STARD13: variants seen among roughly 807,000 people sequenced by gnomAD.
STARD13 encodes the protein stAR-related lipid transfer protein 13.
Under a neutral mutation model 106.4 loss-of-function variants are expected in STARD13, and 62 were observed. That is an observed-to-expected ratio of 0.58 (90% CI 0.48 to 0.72). STARD13 has a LOEUF of 0.72. Ranked by LOEUF, STARD13 falls within the 30% of genes least tolerant of loss-of-function variation. STARD13 has a pLI of 0.00. For missense variants in STARD13, 1,387 were observed against 1,424.0 expected, an observed-to-expected ratio of 0.97 and a Z score of 0.42; for synonymous variants, 565 against 553.0, an observed-to-expected ratio of 1.02 and a Z score of -0.31.
At chr13:33,197,499 G>A (rs1423017380) in intron 1 of STARD13, among the ~76,000 whole-genome samples, 1 of 151,744 alleles carries the variant, frequency 6.6e-6, no homozygotes, top group Admixed American at 6.6e-5. Flanking sequence ...TGTATCGCAA[G>A]TGGGCTTATT....
At chr13:33,182,738 C>T (rs1164669374) in intron 1 of STARD13, among the ~76,000 whole-genome samples, 3 of 152,242 alleles carry the variant, frequency 2.0e-5, no homozygotes, top group African/African-American at 7.2e-5. Context: ...TTTGTCTAAA[C>T]CAGGACTTCT....
At chr13:33,513,406 G>A in the STARD13 span, among the ~76,000 whole-genome samples, 1 of 152,116 alleles carries the variant, frequency 6.6e-6, no homozygotes, top group African/African-American at 2.4e-5. Context: ...CTCTCTTCCT[G>A]ATAGCTATAC....
chr13:33,675,438 T>G, the STARD13 span, among the ~76,000 whole-genome samples: 1 of 152,142 alleles, frequency 6.6e-6, no homozygotes, highest in East Asian at 1.9e-4. Flanking sequence ...CACCCTCAGA[T>G]TTTAGGTAGG....
the STARD13 span, among the ~76,000 whole-genome samples, chr13:33,549,764 G>T: frequency 6.6e-6 from 1 of 152,030 alleles, no homozygotes; most frequent in Non-Finnish European, 1.5e-5. Flanking sequence ...GTATTTTTTT[G>T]TATATGTATG....
the STARD13 span, among the ~76,000 whole-genome samples, chr13:33,545,664 A>G: frequency 6.6e-6 from 1 of 152,154 alleles, no homozygotes; most frequent in Admixed American, 6.5e-5. Flanking sequence ...ATGCCCTCCT[A>G]GTGATAATGA....
At chr13:33,407,941 T>C in the STARD13 span, among the ~76,000 whole-genome samples, 1 of 152,354 alleles carries the variant, frequency 6.6e-6, no homozygotes, top group East Asian at 1.9e-4. Context: ...TTTCATGAGT[T>C]GATTGAGTAA....
intron 1 of STARD13, among the ~76,000 whole-genome samples, chr13:33,299,162 C>T (rs1283864430): frequency 6.6e-6 from 1 of 152,096 alleles, no homozygotes; most frequent in Non-Finnish European, 1.5e-5. Flanking sequence ...AATAGGCCAC[C>T]CCACATAGCC....
the STARD13 span, among the ~76,000 whole-genome samples, chr13:33,468,249 T>A: frequency 6.6e-6 from 1 of 152,228 alleles, no homozygotes; most frequent in East Asian, 1.9e-4. Context: ...TGATTATGAT[T>A]AAAGAAATTG....
At chr13:33,667,084 T>G in the STARD13 span, among the ~76,000 whole-genome samples, 1 of 152,254 alleles carries the variant, frequency 6.6e-6, no homozygotes, top group South Asian at 2.1e-4. Flanking sequence ...TAGCACTTTT[T>G]AAAATGTATT....
At chr13:33,587,627 A>T in the STARD13 span, among the ~76,000 whole-genome samples, 65 of 152,314 alleles carry the variant, frequency 4.3e-4, no homozygotes, top group South Asian at 8.3e-4. Context: ...AATCACCTGA[A>T]TATCTTGATA....
intron 8 of STARD13, among the ~76,000 whole-genome samples, chr13:33,115,601 G>A (rs538874): frequency 0.23 from 34,587 of 152,048 alleles, 4,209 homozygotes; most frequent in East Asian, 0.32. Context: ...CAGGGAAATG[G>A]GTGTCTCCCT....
At chr13:33,208,137 G>A (rs1218718915) in intron 1 of STARD13, among the ~76,000 whole-genome samples, 1 of 152,200 alleles carries the variant, frequency 6.6e-6, no homozygotes, top group Non-Finnish European at 1.5e-5. Context: ...CCACTTCAGA[G>A]GATGTGTGCT....
rs921081227 is a variant in STARD13, at chr13:33,221,036, C to T, written c.170-53414G>A. ...TATAGATAAGCCCTGGAAGAGTATT[C>T]AGTAGTAGATGGACTACTGAAATGA... On this transcript the variant is annotated intron_variant, in intron 1 of 13. Transcript: ENST00000336934. Among the ~76,000 whole-genome samples, 4 of 151,870 alleles carry T rather than the reference C, an allele frequency of 2.6e-5. No individual in the cohort carries two copies. In the East Asian group the frequency reaches 7.7e-4, roughly 29 times the overall value.
At chr13:33,233,536 A>T (rs994076511) in intron 1 of STARD13, among the ~76,000 whole-genome samples, 4 of 152,160 alleles carry the variant, frequency 2.6e-5, no homozygotes, top group Non-Finnish European at 5.9e-5. Flanking sequence ...CTTAATAAAA[A>T]TTCTCTGCCT....
chr13:33,553,205 G>C, the STARD13 span, among the ~76,000 whole-genome samples: 25 of 151,762 alleles, frequency 1.6e-4, no homozygotes, highest in Non-Finnish European at 2.9e-5. Flanking sequence ...AACTGGGTGA[G>C]GCAAATATGA....
intron 4 of STARD13, among the ~76,000 whole-genome samples, chr13:33,131,254 C>T (rs1341035341): frequency 6.6e-6 from 1 of 152,168 alleles, no homozygotes; most frequent in Non-Finnish European, 1.5e-5. Context: ...ATCACCAAGA[C>T]CTAATTCTGA....
the STARD13 span, among the ~76,000 whole-genome samples, chr13:33,639,899 G>A: frequency 2.0e-5 from 3 of 152,172 alleles, no homozygotes; most frequent in Non-Finnish European, 2.9e-5. Context: ...GGGACTACCC[G>A]ATTCATGAAT....
intron 3 of STARD13, among the ~76,000 whole-genome samples, chr13:33,152,070 C>A (rs1046178652): frequency 2.0e-5 from 3 of 152,210 alleles, no homozygotes; most frequent in Non-Finnish European, 4.4e-5. Flanking sequence ...GGCCCTGTCA[C>A]ATTCAGACCC....
At chr13:33,434,776 A>G in the STARD13 span, among the ~76,000 whole-genome samples, 2 of 152,186 alleles carry the variant, frequency 1.3e-5, no homozygotes, top group African/African-American at 4.8e-5. Context: ...TTAGTCAGCA[A>G]ATGTTTTTGA....
Sources: gnomAD v4.1 joint callset for allele counts (sites outside exome capture counted in the v4.1 genomes callset) on GRCh38, gnomAD v4.1.1 for gene constraint, MANE v1.5 for transcripts, NCBI Gene and HGNC (gene_info 2026-07-23, HGNC 2026-07-21) for gene names.